NEDD4L: variants seen among roughly 807,000 people sequenced by gnomAD.
The protein encoded by NEDD4L is E3 ubiquitin-protein ligase NEDD4-like.
NEDD4L carries 54 observed loss-of-function variants against 148.9 expected under a neutral mutation model. The ratio of observed to expected loss-of-function variants is 0.36; its 90% CI spans 0.29 to 0.45. The LOEUF is 0.45. NEDD4L is among the 20% of genes least tolerant of loss of function. NEDD4L has a pLI of 1.00. For missense variants in NEDD4L, 856 were observed against 1,233.8 expected (o/e 0.69, Z 4.59); for synonymous variants, 433 against 440.7 (o/e 0.98, Z 0.22).
chr18:58,372,069 G>A (rs191132729), intron 23 of NEDD4L: 103 of 152,144 alleles, frequency 6.8e-4, no homozygotes, highest in African/African-American at 2.4e-3. Flanking sequence ...ACAAGAAAGG[G>A]GATAACTTAA....
intron 5 of NEDD4L, among the ~76,000 whole-genome samples, chr18:58,294,394 G>T (rs2055233007): frequency 6.6e-6 from 1 of 152,076 alleles, no homozygotes; most frequent in Non-Finnish European, 1.5e-5. Context: ...CTCACTGAAT[G>T]GCTCTAAATT....
At chr18:58,223,665 G>A (rs2044020026) in intron 2 of NEDD4L, among the ~76,000 whole-genome samples, 2 of 152,100 alleles carry the variant, frequency 1.3e-5, no homozygotes, top group Admixed American at 6.5e-5. Flanking sequence ...TCCTTCTTAT[G>A]TGCTTTGAGT....
chr18:58,299,430 C>T lies in NEDD4L; in HGVS notation c.298-16552C>T, dbSNP rs116377536. 6.2e-3 allele frequency among the ~76,000 whole-genome samples: 944 copies of T among 152,318 alleles called. 13 individuals carry two copies. The highest frequency in any genetic ancestry group is 0.021 in the African/African-American group (875 of 41,568). On this transcript the variant is annotated intron_variant, in intron 5 of 30. Transcript: ENST00000400345. ...ATATTTCTTGGCTGCTAGACAACAA[C>T]GTATTTCTTTGACAGATTGACGCCT...
intron 1 of NEDD4L, among the ~76,000 whole-genome samples, chr18:58,099,048 C>T (rs546649508): frequency 0.13 from 19,474 of 146,046 alleles, 1,715 homozygotes; most frequent in African/African-American, 0.28. Context: ...TTTTCTAGCT[C>T]CACATTGGGA....
chr18:58,257,469 C>T (rs1449087237), intron 5 of NEDD4L, among the ~76,000 whole-genome samples: 2 of 151,990 alleles, frequency 1.3e-5, no homozygotes, highest in Non-Finnish European at 2.9e-5. Context: ...TGGGTTATGG[C>T]CCAAGGCTAG....
At chr18:58,117,490 T>C (rs149387005) in intron 1 of NEDD4L, among the ~76,000 whole-genome samples, 3 of 152,262 alleles carry the variant, frequency 2.0e-5, no homozygotes, top group African/African-American at 7.2e-5. Context: ...AAAGGTAAAA[T>C]TATAAGCTAA....
chr18:58,260,650 G>A (rs924039270), intron 5 of NEDD4L, among the ~76,000 whole-genome samples: 2 of 152,204 alleles, frequency 1.3e-5, no homozygotes, highest in Non-Finnish European at 2.9e-5. Context: ...ACCACTTTGT[G>A]CACCTATAAT....
At chr18:58,339,930 G>T (rs1300762225) in intron 13 of NEDD4L, among the ~76,000 whole-genome samples, 1 of 152,164 alleles carries the variant, frequency 6.6e-6, no homozygotes, top group Non-Finnish European at 1.5e-5. Context: ...CAGCCTAATA[G>T]CAAGAAAACG....
intron 1 of NEDD4L, among the ~76,000 whole-genome samples, chr18:58,105,973 C>A (rs1360213790): frequency 1.3e-5 from 2 of 152,212 alleles, no homozygotes; most frequent in Admixed American, 1.3e-4. Flanking sequence ...AAAAAAGAAA[C>A]CTTAGGTTAC....
chr18:58,155,971 G>A (rs1460103645), intron 1 of NEDD4L, among the ~76,000 whole-genome samples: 1 of 152,206 alleles, frequency 6.6e-6, no homozygotes, highest in Non-Finnish European at 1.5e-5. Context: ...ATGAGACAGT[G>A]GAATTCTACT....
intron 5 of NEDD4L, among the ~76,000 whole-genome samples, chr18:58,292,203 C>T (rs1445947731): frequency 7.0e-6 from 1 of 142,372 alleles, no homozygotes; most frequent in Non-Finnish European, 1.5e-5. Context: ...CAAGTTCCCA[C>T]GCAAGGCCAA....
At chr18:58,255,319 A>T in intron 5 of NEDD4L, 1 of 229,104 alleles carries the variant, frequency 4.4e-6, no homozygotes, top group Non-Finnish European at 8.1e-6. Context: ...GCTGTTTAAA[A>T]AAAAAAAAAA....
intron 1 of NEDD4L, among the ~76,000 whole-genome samples, chr18:58,052,083 T>G (rs183408159): frequency 2.4e-4 from 36 of 152,348 alleles, no homozygotes; most frequent in African/African-American, 8.7e-4. Flanking sequence ...AAACTAGATT[T>G]AGAAAACTAG....
chr18:58,126,769 G>A (rs559418865), intron 1 of NEDD4L, among the ~76,000 whole-genome samples: 16 of 152,260 alleles, frequency 1.1e-4, no homozygotes, highest in African/African-American at 3.4e-4. Context: ...CCCAGCAGTC[G>A]GTTACCCTTT....
intron 1 of NEDD4L, among the ~76,000 whole-genome samples, chr18:58,157,623 T>C (rs2035669884): frequency 1.3e-5 from 2 of 152,218 alleles, no homozygotes; most frequent in Admixed American, 6.5e-5. Context: ...AGCCTTGGTT[T>C]CGCATTTTGA....
intron 1 of NEDD4L, chr18:58,091,037 A>G (rs1022303115): frequency 6.6e-6 from 1 of 152,248 alleles, no homozygotes; most frequent in African/African-American, 2.4e-5. Context: ...CCCTTGGAAT[A>G]GTAACAGAGA....
intron 1 of NEDD4L, among the ~76,000 whole-genome samples, chr18:58,142,012 C>G (rs572311737): frequency 7.0e-6 from 1 of 143,822 alleles, no homozygotes; most frequent in Middle Eastern, 3.3e-3. Flanking sequence ...CCCACCCCCC[C>G]GACCCCACTG....
At chr18:58,390,389 A>T in intron 28 of NEDD4L, 1 of 359,290 alleles carries the variant, frequency 2.8e-6, no homozygotes, top group Non-Finnish European at 5.1e-6. Context: ...TGGTGCCATC[A>T]GAGAGTTTGC....
chr18:58,323,317 C>G lies in NEDD4L; in HGVS notation c.496C>G (p.Gln166Glu), dbSNP rs1339990901. ...NGGQDEENSDQRDDMEHGWEV... is the reference protein window; with the variant it reads ...NGGQDEENSDERDDMEHGWEV... ...AGGTCAAGATGAAGAAAACAGTGACCAGAGGGATGACATGGAGGTACGTGG... is the reference window on the plus strand; with the variant it reads ...AGGTCAAGATGAAGAAAACAGTGACGAGAGGGATGACATGGAGGTACGTGG... Residue 166 changes from glutamine to glutamate, a missense_variant, in exon 8 of 31, where the codon CAG becomes GAG. Around this residue, in one of 4 missense-constraint regions of NEDD4L, gnomAD observed 193 missense variants for 244.2 expected, o/e 0.79. Transcript: ENST00000400345. 3.1e-6 allele frequency: 5 copies of G among 1,590,510 alleles called. No homozygotes were observed. In the Admixed American group the frequency reaches 5.2e-5, roughly 17 times the overall value.
Sources: allele counts gnomAD v4.1 joint callset (sites outside exome capture counted in the v4.1 genomes callset), GRCh38; gene constraint gnomAD v4.1.1; regional missense constraint gnomAD v4.1.1; transcripts MANE v1.5; gene names NCBI Gene and HGNC (gene_info 2026-07-23, HGNC 2026-07-21).